RTF1: variants seen among roughly 807,000 people sequenced by gnomAD.
RTF1 encodes the protein RNA polymerase-associated protein RTF1 homolog.
In RTF1, 10 loss-of-function variants were observed where a neutral mutation model predicts 95.7. The ratio of observed to expected loss-of-function variants is 0.10; its 90% CI spans 0.06 to 0.18. The LOEUF is 0.18. RTF1 is among the 10% of genes least tolerant of loss of function. The pLI, the probability that RTF1 is intolerant of heterozygous loss-of-function variation, is 1.00. For synonymous variants in RTF1, 305 were observed against 311.8 expected, an observed-to-expected ratio of 0.98 and a Z score of 0.23; for missense variants, 458 against 875.6, an observed-to-expected ratio of 0.52 and a Z score of 6.02.
intron 1 of RTF1, 84 bp downstream of exon 1, chr15:41,417,397 C>G: frequency 8.6e-7 from 1 of 1,158,580 alleles, no homozygotes; most frequent in Non-Finnish European, 1.1e-6. Flanking sequence ...GGGCCTGGAG[C>G]CTTCCTACCA....
rs533352319 is a variant in RTF1 at position 41,417,147 on chromosome 15, C to T, written c.32C>T (p.Ala11Val). ...GGTCGCCTTTGTGTGGGTCGAGCAG[C>T]GGCGGCGGCGGCGGCAGTGGCGGTC... MRGRLCVGRA[A>V]AAAAAVAVPL... The change falls in exon 1 of 18, where the codon GCG becomes GTG. Residue 11 changes from alanine (A) to valine (V), a missense_variant. By Grantham distance (64) the Ala-to-Val change is moderately conservative. Transcript: ENST00000389629. 3 of 1,250,904 alleles carry T rather than the reference C, an allele frequency of 2.4e-6. No individual in the cohort carries two copies. In the East Asian group the frequency reaches 9.4e-5, roughly 39 times the overall value. 77.5% of individuals were successfully genotyped at this position (1,250,904 alleles called of 1,614,324 possible).
chr15:41,440,790 A>C (rs1391266848), intron 2 of RTF1, among the ~76,000 whole-genome samples: 1 of 151,340 alleles, frequency 6.6e-6, no homozygotes, highest in African/African-American at 2.4e-5. Flanking sequence ...GCCTGGCCAA[A>C]AGTTTATTCT....
At chr15:41,426,073 A>G (rs976870560) in intron 1 of RTF1, among the ~76,000 whole-genome samples, 1 of 151,986 alleles carries the variant, frequency 6.6e-6, no homozygotes, top group African/African-American at 2.4e-5. Flanking sequence ...GCTTGAGCTC[A>G]GGAGTTTGAG....
chr15:41,447,731 T>C (rs1236526665), intron 2 of RTF1, among the ~76,000 whole-genome samples: 5 of 152,174 alleles, frequency 3.3e-5, no homozygotes, highest in Admixed American at 6.6e-5. Context: ...GCAGTGGTCA[T>C]TGGGAGATCC....
chr15:41,429,311 G>GATC (rs2050656511), intron 1 of RTF1, among the ~76,000 whole-genome samples: 1 of 152,112 alleles, frequency 6.6e-6, no homozygotes. Context: ...TCATCTCGTA[G>GATC]ATCCTTCCAC....
chr15:41,460,114 TG>T, intron 4 of RTF1, among the ~76,000 whole-genome samples: 3 of 84,534 alleles, frequency 3.5e-5, no homozygotes, highest in Non-Finnish European at 6.2e-5. Flanking sequence ...TTTTTGTTTT[TG>T]TTTTTGTTTT....
intron 1 of RTF1, among the ~76,000 whole-genome samples, chr15:41,429,998 T>G (rs1398829952): frequency 6.7e-6 from 1 of 149,956 alleles, no homozygotes; most frequent in Non-Finnish European, 1.5e-5. Context: ...TAATTTATTT[T>G]ATTTTTTCTT....
At chr15:41,458,610 G>A (rs1263353709) in intron 4 of RTF1, among the ~76,000 whole-genome samples, 1 of 150,940 alleles carries the variant, frequency 6.6e-6, no homozygotes, top group Non-Finnish European at 1.5e-5. Context: ...TTAGCCTGGT[G>A]TGGTGTTGTG....
chr15:41,455,194 A>G (rs897606976), intron 3 of RTF1, among the ~76,000 whole-genome samples: 50 of 151,622 alleles, frequency 3.3e-4, no homozygotes, highest in African/African-American at 1.2e-3. Context: ...CCTACCTGTA[A>G]TCCCTAATAC....
At chr15:41,475,455 G>T in intron 9 of RTF1, 70 bp from the exon 10 acceptor site, 1 of 1,207,170 alleles carries the variant, frequency 8.3e-7, no homozygotes, top group East Asian at 2.3e-5. Context: ...ACATAGTCTG[G>T]TAAGGTTGCT....
At chr15:41,468,159 T>C (rs2050889735) in intron 6 of RTF1, among the ~76,000 whole-genome samples, 1 of 151,856 alleles carries the variant, frequency 6.6e-6, no homozygotes, top group Non-Finnish European at 1.5e-5. Context: ...AGAGTGAGAC[T>C]CTGTCTCAAA....
Position 41,478,586 on chromosome 15 carries a change from C to G in RTF1, c.1779C>G (p.Pro593=). The G allele has an allele frequency of 1.9e-6, 3 of 1,613,832 alleles. No homozygotes were observed. The highest frequency in any genetic ancestry group is 2.5e-6 in the Non-Finnish European group (3 of 1,179,972). Residue 593 remains proline, a synonymous_variant, in exon 15 of 18, where the codon CCC becomes CCG. Transcript: ENST00000389629. ...ACATGAAAAACCAACAGATGGATCC[C>G]TTTACTCGGCGGCAGTGCAAGCCTA... is the stretch of plus-strand genomic sequence containing the variant. ...SHNMKNQQMD[P]FTRRQCKPTI... is the part of the protein sequence containing the mutation.
chr15:41,423,519 G>T (rs547828088), intron 1 of RTF1, among the ~76,000 whole-genome samples: 1 of 151,420 alleles, frequency 6.6e-6, no homozygotes, highest in South Asian at 2.1e-4. Flanking sequence ...ACAGGCACGC[G>T]CCACCACTCC....
chr15:41,460,121 G>GTT (rs869235078), intron 4 of RTF1, among the ~76,000 whole-genome samples: 10 of 83,448 alleles, frequency 1.2e-4, no homozygotes, highest in Non-Finnish European at 1.8e-4. Context: ...TTTTGTTTTT[G>GTT]TTTTTTTTTT....
chr15:41,476,859 C>G (rs972271419), intron 12 of RTF1, among the ~76,000 whole-genome samples: 2 of 152,230 alleles, frequency 1.3e-5, no homozygotes, highest in African/African-American at 4.8e-5. Context: ...ATTTTCCATT[C>G]TTCACACTGG....
At position 41,444,942 on chromosome 15, in the gene RTF1, A is replaced by T. The variant is rs530211335; in HGVS notation, c.309+6511A>T. Reference sequence around the variant, plus strand: ...TTTATTTTATTTTATTTATTTATTTATTTTTTTGAGACGGAGTCTCGGTCT... The same window carrying T: ...TTTATTTTATTTTATTTATTTATTTTTTTTTTTGAGACGGAGTCTCGGTCT... On this transcript the variant is annotated intron_variant, in intron 2 of 17. Transcript: ENST00000389629. Among the ~76,000 whole-genome samples, 400 of 151,168 alleles carry T rather than the reference A, an allele frequency of 2.6e-3. 1 individual carries two copies. Among genetic ancestry groups the T allele is most frequent in the African/African-American group, 8.7e-3 (361 of 41,264 alleles).
intron 14 of RTF1, among the ~76,000 whole-genome samples, chr15:41,477,831 C>T (rs866152751): frequency 6.6e-6 from 1 of 152,176 alleles, no homozygotes; most frequent in Non-Finnish European, 1.5e-5. Context: ...ATATGCCGGG[C>T]GCGGTGTCTC....
At chr15:41,431,374 C>G (rs987965658) in intron 1 of RTF1, among the ~76,000 whole-genome samples, 7 of 151,800 alleles carry the variant, frequency 4.6e-5, no homozygotes, top group Non-Finnish European at 1.0e-4. Context: ...GCCACCACGC[C>G]CAGCTACTTT....
chr15:41,474,820 C>T (rs566335789), intron 9 of RTF1, 118 bp downstream of exon 9: 7 of 764,106 alleles, frequency 9.2e-6, no homozygotes, highest in East Asian at 7.6e-5. Flanking sequence ...ATGCAATCCC[C>T]ACAAGGTACA....
Sources: allele counts gnomAD v4.1 joint callset (sites outside exome capture counted in the v4.1 genomes callset), GRCh38; gene constraint gnomAD v4.1.1; transcripts MANE v1.5; gene names NCBI Gene and HGNC (gene_info 2026-07-23, HGNC 2026-07-21).